Variants in PXDN observed in about 807,000 individuals in gnomAD.
PXDN encodes peroxidasin.
A neutral mutation model predicts 140.3 loss-of-function variants in PXDN; 77 were observed. The observed-to-expected ratio is 0.55, with a 90% confidence interval of 0.46 to 0.66. The LOEUF is 0.66. PXDN is among the 30% of genes least tolerant of loss of function. The pLI, the probability that PXDN is intolerant of heterozygous loss-of-function variation, is 0.00. For missense variants in PXDN, 1,838 were observed against 2,039.5 expected (o/e 0.90, Z 1.90); for synonymous variants, 911 against 857.4 (o/e 1.06, Z -1.09).
chr2:1,680,650 C>T (rs529036178), intron 6 of PXDN, among the ~76,000 whole-genome samples: 8 of 152,246 alleles, frequency 5.3e-5, no homozygotes, highest in Admixed American at 6.5e-5. Flanking sequence ...ACCCAGGCAT[C>T]GGGTGTCGAG....
chr2:1,666,933 A>G (rs1683458604), intron 9 of PXDN, among the ~76,000 whole-genome samples: 1 of 152,150 alleles, frequency 6.6e-6, no homozygotes, highest in South Asian at 2.1e-4. Context: ...AAGAAATAAT[A>G]TTTTTCAAAT....
chr2:1,688,480 C>T (rs1366601250), intron 3 of PXDN, among the ~76,000 whole-genome samples: 3 of 152,204 alleles, frequency 2.0e-5, no homozygotes, highest in Admixed American at 1.3e-4. Flanking sequence ...AAAATTTCCA[C>T]ACCAAAGTAT....
At position 1,649,722 on chromosome 2, in the gene PXDN, G is replaced by T. The variant is rs200688824; in HGVS notation, c.2105-47C>A. Reference sequence around the variant, plus strand: ...GACGCACTCAATTCCCCTGGAGGATGTGTGAGGGCCCGGTACCCCTTGGCA... The same window carrying T: ...GACGCACTCAATTCCCCTGGAGGATTTGTGAGGGCCCGGTACCCCTTGGCA... On this transcript the variant is annotated intron_variant, in intron 16 of 22. Coordinates refer to ENST00000252804, the MANE Select transcript of PXDN (RefSeq NM_012293.3). This position sits in a 1 kb window ranked among gnomAD's most constrained non-coding sequence, Gnocchi z 7.1. 227 of 1,599,020 alleles carry T rather than the reference G, an allele frequency of 1.4e-4. No individual in the cohort carries two copies. In the African/African-American group the frequency reaches 2.7e-3, roughly 19 times the overall value.
intron 7 of PXDN, among the ~76,000 whole-genome samples, chr2:1,678,478 A>G (rs1272987764): frequency 1.3e-5 from 2 of 152,250 alleles, no homozygotes; most frequent in Middle Eastern, 3.2e-3. Context: ...ATAAAAAACA[A>G]GAATAATCAC....
intron 7 of PXDN, 61 bp downstream of exon 7, chr2:1,680,117 AGATGGTGTGTGTGTG>A (rs796323306): frequency 1.3e-5 from 18 of 1,385,624 alleles, no homozygotes; most frequent in African/African-American, 4.4e-5. Context: ...TTGTGTGTGT[AGATGGTGTGTGTGTG>A]GATGGTGTGT....
Position 1,649,562 on chromosome 2 carries a change from T to G in PXDN, c.2218A>C (p.Lys740Gln). The change falls in exon 17 of 23, where the codon AAG (lysine) becomes CAG (glutamine). Residue 740 changes from lysine (K) to glutamine (Q), a missense_variant. Physicochemically the swap from Lys to Gln is moderately conservative, Grantham distance 53. Around this residue, in one of 5 missense-constraint regions of PXDN, gnomAD observed 537 missense variants for 583.9 expected, o/e 0.92. Coordinates refer to ENST00000252804, the MANE Select transcript of PXDN (RefSeq NM_012293.3). The surrounding 1 kb of genome is among the most constrained non-coding windows in gnomAD (Gnocchi z 7.1). ...CAGGTGCCGTCGTGCGTCCGGTACT[T>G]CTGGTGGAAGCACATGTCCGAGCAG... Reference protein sequence around the residue: ...NNCSDMCFHQKYRTHDGTCNN... With the variant: ...NNCSDMCFHQQYRTHDGTCNN... 6.2e-7 allele frequency: 1 copy of G among 1,613,984 alleles called. No individual in the cohort carries two copies. The highest frequency in any genetic ancestry group is 8.5e-7 in the Non-Finnish European group (1 of 1,179,868).
chr2:1,733,748 CAAAAAA>C (rs72208257), intron 1 of PXDN, among the ~76,000 whole-genome samples: 1 of 79,246 alleles, frequency 1.3e-5, no homozygotes, highest in East Asian at 6.1e-4. Context: ...TGTCAAATGA[CAAAAAA>C]AAAAAAAAAA....
At chr2:1,682,677 C>T (rs1263341746) in intron 6 of PXDN, among the ~76,000 whole-genome samples, 3 of 152,228 alleles carry the variant, frequency 2.0e-5, no homozygotes, top group African/African-American at 7.2e-5. Context: ...CGGTGGCTCA[C>T]GCCTGTAATC....
chr2:1,674,243 T>G (rs1241299176), intron 8 of PXDN, among the ~76,000 whole-genome samples: 1 of 152,262 alleles, frequency 6.6e-6, no homozygotes, highest in African/African-American at 2.4e-5. Flanking sequence ...AGAGTCTCAC[T>G]CTGCAGCCCA....
rs1042248138 is a variant in PXDN, at chr2:1,651,336, G to A, written c.2105-1661C>T. 4.6e-5 allele frequency among the ~76,000 whole-genome samples: 7 copies of A among 152,262 alleles called. No individual in the cohort carries two copies. The highest frequency in any genetic ancestry group is 5.9e-5 in the Non-Finnish European group (4 of 68,020). On this transcript the variant is annotated intron_variant, in intron 16 of 22. Coordinates refer to ENST00000252804, the MANE Select transcript of PXDN (RefSeq NM_012293.3). The surrounding 1 kb of genome is among the most constrained non-coding windows in gnomAD (Gnocchi z 4.4). ...ATTGGTTCAGAGGCAGACCAGACCC[G>A]CCAACCAGAGCAGGTGGCACCGACC...
chr2:1,726,543 A>C (rs950608322), intron 1 of PXDN, among the ~76,000 whole-genome samples: 6 of 152,108 alleles, frequency 3.9e-5, no homozygotes, highest in Non-Finnish European at 8.8e-5. Flanking sequence ...ACTAACCTGC[A>C]CATTGTGCAC....
chr2:1,692,489 G>A (rs1251253360), intron 2 of PXDN: 13 of 471,362 alleles, frequency 2.8e-5, no homozygotes, highest in South Asian at 6.2e-5. Context: ...GTGGATAGGC[G>A]GCCCAGACAG....
In PXDN at chr2:1,666,430, C is replaced by T. The variant is rs769037467; in HGVS notation, c.1075G>A (p.Val359Ile). Residue 359 changes from valine to isoleucine, a missense_variant, in exon 10 of 23, where the codon GTC becomes ATC. Transcript: ENST00000252804. ...QNTEVLVGES[V>I]TLECSATGHP... ...CCTGTGGCGCTGCACTCCAGCGTGA[C>T]GCTCTCCCCAACCAGCACCTCTGTA... 29 of 1,613,132 alleles carry T rather than the reference C, an allele frequency of 1.8e-5. No homozygotes were observed. Among genetic ancestry groups the T allele is most frequent in the Admixed American group, 3.3e-5 (2 of 59,920 alleles).
Position 1,687,916 on chromosome 2 carries a change from G to A in PXDN, c.345-213C>T, listed in dbSNP as rs1684098704. Among the ~76,000 whole-genome samples the A allele has an allele frequency of 6.6e-6, 1 of 152,226 alleles. No individual in the cohort carries two copies. The highest frequency in any genetic ancestry group is 6.5e-5 in the Admixed American group (1 of 15,282). On this transcript the variant is annotated intron_variant, in intron 3 of 22. Transcript: ENST00000252804. This position sits in a 1 kb window ranked among gnomAD's most constrained non-coding sequence, Gnocchi z 4.0. ...GGGCTAAAAGCAACCGGTGCCAACT[G>A]AAGGTGATCAAACCACTGCGACGGG...
At chr2:1,674,926 A>T (rs1683661713) in intron 8 of PXDN, among the ~76,000 whole-genome samples, 1 of 152,196 alleles carries the variant, frequency 6.6e-6, no homozygotes, top group Non-Finnish European at 1.5e-5. Flanking sequence ...CAGGAGGAGC[A>T]GCACCAGCAC....
At chr2:1,716,913 A>G (rs1043494538) in intron 1 of PXDN, among the ~76,000 whole-genome samples, 1 of 152,206 alleles carries the variant, frequency 6.6e-6, no homozygotes, top group African/African-American at 2.4e-5. Flanking sequence ...AAAGTCACAC[A>G]GCCCAACAGG....
intron 1 of PXDN, among the ~76,000 whole-genome samples, chr2:1,738,559 T>TC (rs1016194241): frequency 4.0e-5 from 6 of 151,814 alleles, no homozygotes; most frequent in Non-Finnish European, 7.4e-5. Context: ...AAACTTTTTT[T>TC]TTTTTTTGAG....
chr2:1,632,234 C>T lies in PXDN; in HGVS notation c.*1970G>A, dbSNP rs904613785. The T allele has an allele frequency of 1.3e-5, 2 of 152,170 alleles. No homozygotes were observed. The highest frequency in any genetic ancestry group is 4.8e-5 in the African/African-American group (2 of 41,438). The allele number at this position is 152,170 out of a possible 1,614,324, so 9.4% of individuals were successfully genotyped here. ...AATTCCTTGTGACTGGCCCAGACCG[C>T]ACATTACGCAGGTGTGCTACAGGTG... is the stretch of plus-strand genomic sequence containing the variant. On this transcript the variant is annotated 3_prime_UTR_variant, in exon 23 of 23. Transcript: ENST00000252804. This position sits in a 1 kb window ranked among gnomAD's most constrained non-coding sequence, Gnocchi z 4.3.
chr2:1,720,093 T>G (rs892083737), intron 1 of PXDN, among the ~76,000 whole-genome samples: 23 of 3,278 alleles, frequency 7.0e-3, no homozygotes, highest in Non-Finnish European at 0.011. Context: ...GAGGGAGGGA[T>G]GCAGAGAGAG....
Sources: gnomAD v4.1 joint callset for allele counts (sites outside exome capture counted in the v4.1 genomes callset) on GRCh38, gnomAD v4.1.1 for gene constraint, gnomAD v4.1.1 regional missense constraint, Gnocchi (gnomAD v3.1) non-coding constraint, MANE v1.5 for transcripts, NCBI Gene and HGNC (gene_info 2026-07-23, HGNC 2026-07-21) for gene names.